DCAF7: variants seen among roughly 807,000 people sequenced by gnomAD.
The protein encoded by DCAF7 is DDB1 and CUL4 associated factor 7, also known as DDB1- and CUL4-associated factor 7.
In DCAF7, 4 loss-of-function variants were observed where a neutral mutation model predicts 41.2. The ratio of observed to expected loss-of-function variants is 0.10; its 90% CI spans 0.05 to 0.22. The LOEUF is 0.22. DCAF7 is among the 10% of genes least tolerant of loss of function. DCAF7 has a pLI of 1.00. For missense variants in DCAF7, 131 were observed against 443.2 expected (o/e 0.30, Z 6.32); for synonymous variants, 143 against 164.2 (o/e 0.87, Z 0.99).
intron 1 of DCAF7, among the ~76,000 whole-genome samples, chr17:63,560,594 A>T (rs1055811440): frequency 6.6e-6 from 1 of 152,166 alleles, no homozygotes; most frequent in Non-Finnish European, 1.5e-5. Flanking sequence ...TGTAGAAGGG[A>T]TACACAAGAA....
In DCAF7 at chr17:63,590,577, A is replaced by G. The variant is rs988388021; in HGVS notation, c.*1405A>G. Reference sequence around the variant, plus strand: ...CCGCAGGTGTCTTTCTGTTATGTGAATGAGTTCCATGGAGGGGCATATGTG... The same window carrying G: ...CCGCAGGTGTCTTTCTGTTATGTGAGTGAGTTCCATGGAGGGGCATATGTG... On this transcript the variant is annotated 3_prime_UTR_variant, in exon 7 of 7. Transcript: ENST00000614556. The G allele has an allele frequency of 2.0e-5, 3 of 152,562 alleles. No individual in the cohort carries two copies. The highest frequency in any genetic ancestry group is 2.9e-5 in the Non-Finnish European group (2 of 68,054). 9.5% of individuals were successfully genotyped at this position (152,562 alleles called of 1,614,324 possible).
Position 63,590,529 on chromosome 17 carries a change from G to A in DCAF7, c.*1357G>A, listed in dbSNP as rs1242843453. On this transcript the variant is annotated 3_prime_UTR_variant, in exon 7 of 7. Coordinates refer to ENST00000614556, the MANE Select transcript of DCAF7 (RefSeq NM_005828.5). ...CTGAGCAGTATTGGACTTGTAGCCT[G>A]CAGTTGTCTTTTGACTTGCAGGCCG... is the stretch of plus-strand genomic sequence containing the variant. The A allele has an allele frequency of 2.6e-5, 4 of 152,692 alleles. No individual in the cohort carries two copies. Among genetic ancestry groups the A allele is most frequent in the Non-Finnish European group, 5.9e-5 (4 of 68,106 alleles). 9.5% of individuals were successfully genotyped at this position (152,692 alleles called of 1,614,324 possible).
Position 63,588,992 on chromosome 17 carries a change from G to T in DCAF7, c.857-8G>T, listed in dbSNP as rs751982669. ...GTGACCTTGCTTGCTGGCTTTCTTT[G>T]TCCCTAGCGGATGACCACCAGGCTC... On this transcript the variant is annotated splice_polypyrimidine_tract_variant and splice_region_variant and intron_variant, in intron 6 of 6. Transcript: ENST00000614556. The T allele has an allele frequency of 6.2e-7, 1 of 1,604,110 alleles. No homozygotes were observed. Among genetic ancestry groups the T allele is most frequent in the African/African-American group, 1.3e-5 (1 of 74,838 alleles).
intron 1 of DCAF7, among the ~76,000 whole-genome samples, chr17:63,576,417 A>C (rs1411346230): frequency 1.3e-5 from 2 of 152,176 alleles, no homozygotes; most frequent in Admixed American, 6.5e-5. Flanking sequence ...ATTGCACTCC[A>C]GCCTGGGTGA....
intron 1 of DCAF7, among the ~76,000 whole-genome samples, chr17:63,554,709 C>T (rs1467262957): frequency 6.6e-6 from 1 of 152,182 alleles, no homozygotes; most frequent in Non-Finnish European, 1.5e-5. Context: ...ATGTAATGGA[C>T]TTAGGAACGC....
At chr17:63,559,457 A>T (rs185280021) in intron 1 of DCAF7, among the ~76,000 whole-genome samples, 24,490 of 136,904 alleles carry the variant, frequency 0.18, 2,729 homozygotes, top group Middle Eastern at 0.32. Context: ...ATATATATAT[A>T]TTTTTAATAA....
chr17:63,585,834 C>CT (rs1353094251), intron 6 of DCAF7, among the ~76,000 whole-genome samples: 1 of 152,144 alleles, frequency 6.6e-6, no homozygotes, highest in Non-Finnish European at 1.5e-5. Flanking sequence ...GCTAGCACCC[C>CT]TTACGGGCTG....
rs533884738 is a variant in DCAF7 at position 63,559,495 on chromosome 17, G to A, written c.138+8680G>A. Among the ~76,000 whole-genome samples the A allele has an allele frequency of 5.6e-4, 82 of 145,772 alleles. No individual in the cohort carries two copies. In the East Asian group the frequency reaches 0.016, roughly 28 times the overall value. ...GGTATTGAAACCAGAAAAAAAAATT[G>A]GATCTCTACCTTAAGCTTTGTACCA... On this transcript the variant is annotated intron_variant, in intron 1 of 6. Coordinates refer to ENST00000614556, the MANE Select transcript of DCAF7 (RefSeq NM_005828.5).
At position 63,579,487 on chromosome 17, in the gene DCAF7, G is replaced by A; in HGVS notation, c.409+39G>A. ...GGAGTATGTATTTCAGCTGGAAGAA[G>A]CCAAAATAAATTTTCTCAGATGTCA... is the stretch of plus-strand genomic sequence containing the variant. On this transcript the variant is annotated intron_variant, in intron 3 of 6. Transcript: ENST00000614556. The A allele has an allele frequency of 2.0e-6, 3 of 1,493,436 alleles. No individual in the cohort carries two copies. The South Asian group carries it at 3.6e-5, about 18-fold the overall frequency. The allele number at this position is 1,493,436 out of a possible 1,614,324, so 92.5% of individuals were successfully genotyped here.
At chr17:63,579,301 A>T in intron 2 of DCAF7, 36 bp from the exon 3 acceptor site, 8 of 1,454,772 alleles carry the variant, frequency 5.5e-6, no homozygotes, top group Non-Finnish European at 7.6e-6. Context: ...TGAGGATAAG[A>T]CTGGCTGATT....
At chr17:63,573,821 C>T (rs761564051) in intron 1 of DCAF7, among the ~76,000 whole-genome samples, 2 of 152,092 alleles carry the variant, frequency 1.3e-5, no homozygotes, top group Non-Finnish European at 2.9e-5. Context: ...CCTCTTGTGG[C>T]CATTCCTGGT....
At position 63,563,371 on chromosome 17, in the gene DCAF7, C is replaced by T. The variant is rs952368767; in HGVS notation, c.138+12556C>T. Among the ~76,000 whole-genome samples the T allele has an allele frequency of 3.9e-5, 6 of 152,234 alleles. No individual in the cohort carries two copies. In the East Asian group the frequency reaches 1.2e-3, roughly 29 times the overall value. On this transcript the variant is annotated intron_variant, in intron 1 of 6. Transcript: ENST00000614556. ...TGTTGACAGTATGGAGAAATGAACA[C>T]CTTTACATACTGCTGCTAAGAATGT...
At position 63,588,189 on chromosome 17, in the gene DCAF7, A is replaced by ATTTTTTTTTTTTTTTTTTTTTT. The variant is rs377638787; in HGVS notation, c.857-795_857-794insTTTTTTTTTTTTTTTTTTTTTT. Among the ~76,000 whole-genome samples, 34 of 120,216 alleles carry ATTTTTTTTTTTTTTTTTTTTTT rather than the reference A, an allele frequency of 2.8e-4. 3 individuals carry two copies. The highest frequency in any genetic ancestry group is 1.2e-3 in the African/African-American group (31 of 25,410). 78.9% of individuals were successfully genotyped at this position (120,216 alleles called of 152,430 possible). A position where few individuals can be genotyped will look rare whatever the true frequency, so the allele number is the denominator to read the frequency against. ...GTGTTTCCCATAGCTATTTTCTTGG[A>ATTTTTTTTTTTTTTTTTTTTTT]TTTTTTTTTTTTTTTTGAGATGAAG... On this transcript the variant is annotated intron_variant, in intron 6 of 6. Transcript: ENST00000614556.
At chr17:63,569,455 A>G (rs1328984873) in intron 1 of DCAF7, among the ~76,000 whole-genome samples, 1 of 151,866 alleles carries the variant, frequency 6.6e-6, no homozygotes. Context: ...CCAAGCAGGC[A>G]TAGTTTTTAA....
At position 63,551,891 on chromosome 17, in the gene DCAF7, C is replaced by CAAAAAAAAAAAAA. The variant is rs529811578; in HGVS notation, c.138+1104_138+1116dup. On this transcript the variant is annotated intron_variant, in intron 1 of 6. Transcript: ENST00000614556. ...GTGAAACCCCGTCTCTACTAAAATA[C>CAAAAAAAAAAAAA]AAAAAAAAAAAAAAAAAAAAAAAAA... is the stretch of plus-strand genomic sequence containing the variant. 1.3e-3 allele frequency among the ~76,000 whole-genome samples: 36 copies of CAAAAAAAAAAAAA among 27,292 alleles called. 10 individuals carry two copies. The highest frequency in any genetic ancestry group is 3.1e-3 in the Admixed American group (4 of 1,300). The allele number at this position is 27,292 out of a possible 152,430, so 17.9% of individuals were successfully genotyped here.
chr17:63,559,665 G>T (rs2033359604), intron 1 of DCAF7, among the ~76,000 whole-genome samples: 1 of 151,324 alleles, frequency 6.6e-6, no homozygotes, highest in African/African-American at 2.4e-5. Flanking sequence ...AGCCGGGCAT[G>T]GTGGCAGGTG....
chr17:63,561,205 C>T (rs1455259825), intron 1 of DCAF7, among the ~76,000 whole-genome samples: 2 of 152,096 alleles, frequency 1.3e-5, no homozygotes, highest in African/African-American at 4.8e-5. Flanking sequence ...GCGGAGGTTG[C>T]AGTGAGCTGA....
At chr17:63,588,188 G>GTTTTTTTTTTTTTTTTT (rs1568106611) in intron 6 of DCAF7, among the ~76,000 whole-genome samples, 1 of 122,006 alleles carries the variant, frequency 8.2e-6, no homozygotes, top group African/African-American at 4.7e-5. Flanking sequence ...TATTTTCTTG[G>GTTTTTTTTTTTTTTTTT]ATTTTTTTTT....
chr17:63,553,215 T>G (rs1329262039), intron 1 of DCAF7, among the ~76,000 whole-genome samples: 4 of 152,224 alleles, frequency 2.6e-5, no homozygotes, highest in Admixed American at 6.5e-5. Context: ...TAATGTAATT[T>G]TGAAATGGTG....
Sources: gnomAD v4.1 joint callset for allele counts (sites outside exome capture counted in the v4.1 genomes callset) on GRCh38, gnomAD v4.1.1 for gene constraint, MANE v1.5 for transcripts, NCBI Gene and HGNC (gene_info 2026-07-23, HGNC 2026-07-21) for gene names.